RAB3C: variants seen among roughly 807,000 people sequenced by gnomAD.
The protein encoded by RAB3C is ras-related protein Rab-3C.
RAB3C carries 17 observed loss-of-function variants against 26.4 expected under a neutral mutation model. That is an observed-to-expected ratio of 0.64 (90% confidence interval 0.44 to 0.97). RAB3C has a LOEUF of 0.97. Among genes scored for constraint, RAB3C ranks in the 50% least tolerant of loss-of-function variants. RAB3C has a pLI of 0.00. For synonymous variants in RAB3C, 91 were observed against 95.9 expected (o/e 0.95, Z 0.30); for missense variants, 242 against 281.9 (o/e 0.86, Z 1.01).
At chr5:58,755,542 C>T (rs1186875151) in intron 3 of RAB3C, among the ~76,000 whole-genome samples, 1 of 152,172 alleles carries the variant, frequency 6.6e-6, no homozygotes, top group Non-Finnish European at 1.5e-5. Flanking sequence ...GACTACACAT[C>T]AGGACTCGGG....
At chr5:58,775,057 AGAGTGGGGTG>A (rs1285045630) in intron 3 of RAB3C, among the ~76,000 whole-genome samples, 2 of 152,142 alleles carry the variant, frequency 1.3e-5, no homozygotes, top group Non-Finnish European at 2.9e-5. Flanking sequence ...TGAATTGAGT[AGAGTGGGGTG>A]GAGGAAGAAG....
intron 2 of RAB3C, among the ~76,000 whole-genome samples, chr5:58,693,670 T>C (rs1332060372): frequency 6.6e-6 from 1 of 152,126 alleles, no homozygotes; most frequent in Non-Finnish European, 1.5e-5. Context: ...GCCCCACACA[T>C]TCCTCTATTA....
At chr5:58,651,480 T>C (rs1371980207) in intron 2 of RAB3C, among the ~76,000 whole-genome samples, 1 of 152,226 alleles carries the variant, frequency 6.6e-6, no homozygotes, top group Non-Finnish European at 1.5e-5. Flanking sequence ...AAAATCTATT[T>C]ATACTATTAA....
chr5:58,754,818 C>A (rs574277841), intron 3 of RAB3C, among the ~76,000 whole-genome samples: 2 of 152,248 alleles, frequency 1.3e-5, no homozygotes, highest in South Asian at 4.1e-4. Flanking sequence ...TAACTGCAAA[C>A]GCCCTTGTGA....
chr5:58,654,973 T>C (rs965449018), intron 2 of RAB3C, among the ~76,000 whole-genome samples: 2 of 152,200 alleles, frequency 1.3e-5, no homozygotes, highest in Non-Finnish European at 2.9e-5. Context: ...TTTTAGGTAG[T>C]GATAAATTAC....
chr5:58,796,934 G>A (rs966647361), intron 3 of RAB3C, among the ~76,000 whole-genome samples: 2 of 151,734 alleles, frequency 1.3e-5, no homozygotes, highest in African/African-American at 4.8e-5. Flanking sequence ...AGGAGGAGGT[G>A]CAGAGGGGTT....
At chr5:58,727,954 A>C (rs1041282961) in intron 3 of RAB3C, among the ~76,000 whole-genome samples, 2 of 151,856 alleles carry the variant, frequency 1.3e-5, no homozygotes, top group African/African-American at 4.8e-5. Flanking sequence ...AGCAAACTAA[A>C]CCATTCATTG....
chr5:58,799,279 C>T (rs1197715567), intron 3 of RAB3C, among the ~76,000 whole-genome samples: 1 of 151,910 alleles, frequency 6.6e-6, no homozygotes, highest in African/African-American at 2.4e-5. Flanking sequence ...GCAAATGTGG[C>T]AAAATGTCCA....
chr5:58,640,012 T>C (rs1747380187), intron 2 of RAB3C, among the ~76,000 whole-genome samples: 1 of 152,222 alleles, frequency 6.6e-6, no homozygotes, highest in Non-Finnish European at 1.5e-5. Flanking sequence ...TTTTTAAATG[T>C]ACTAGGGAAG....
At chr5:58,746,973 G>C (rs928416350) in intron 3 of RAB3C, among the ~76,000 whole-genome samples, 6 of 152,190 alleles carry the variant, frequency 3.9e-5, no homozygotes, top group Middle Eastern at 3.2e-3. Context: ...TGGAAACTAG[G>C]ACTGAAGCAA....
intron 2 of RAB3C, among the ~76,000 whole-genome samples, chr5:58,618,642 G>C (rs932667353): frequency 1.4e-5 from 2 of 142,170 alleles, no homozygotes; most frequent in Non-Finnish European, 3.1e-5. Flanking sequence ...GCAGGTCCAA[G>C]GCAATATAAA....
At chr5:58,772,916 CA>C (rs1742057699) in intron 3 of RAB3C, among the ~76,000 whole-genome samples, 1 of 152,058 alleles carries the variant, frequency 6.6e-6, no homozygotes, top group South Asian at 2.1e-4. Context: ...ACCATGAAGC[CA>C]AGGGTGAAAG....
At chr5:58,702,763 CAGA>C (rs1748873494) in intron 2 of RAB3C, among the ~76,000 whole-genome samples, 3 of 151,982 alleles carry the variant, frequency 2.0e-5, no homozygotes, top group Admixed American at 1.3e-4. Context: ...TTTGAAAATA[CAGA>C]AGAATAAACA....
intron 3 of RAB3C, among the ~76,000 whole-genome samples, chr5:58,799,316 G>C (rs1397481101): frequency 2.0e-5 from 3 of 152,078 alleles, no homozygotes; most frequent in Non-Finnish European, 2.9e-5. Context: ...GTGAAAACTA[G>C]ATGTATGGCA....
chr5:58,802,535 G>A (rs1579926418), intron 3 of RAB3C, among the ~76,000 whole-genome samples: 1 of 152,314 alleles, frequency 6.6e-6, no homozygotes, highest in East Asian at 1.9e-4. Flanking sequence ...CATATTAGAA[G>A]TTGCAACCGT....
At chr5:58,660,162 G>A (rs1437237110) in intron 2 of RAB3C, among the ~76,000 whole-genome samples, 1 of 150,072 alleles carries the variant, frequency 6.7e-6, no homozygotes, top group Admixed American at 6.6e-5. Flanking sequence ...ACAAAACAAA[G>A]CAAACAAACA....
chr5:58,833,324 TCACACACACACACA>T (rs571940681), intron 4 of RAB3C, among the ~76,000 whole-genome samples: 2 of 141,154 alleles, frequency 1.4e-5, no homozygotes, highest in East Asian at 4.2e-4. Flanking sequence ...ACGGACCCCA[TCACACACACACACA>T]CACACACACA....
chr5:58,618,849 C>G (rs1276842967), intron 2 of RAB3C, among the ~76,000 whole-genome samples: 1 of 152,154 alleles, frequency 6.6e-6, no homozygotes, highest in Non-Finnish European at 1.5e-5. Flanking sequence ...TGTTTTCTAG[C>G]TCCTTCTGAG....
chr5:58,743,771 G>A (rs1303879815), intron 3 of RAB3C, among the ~76,000 whole-genome samples: 5 of 152,092 alleles, frequency 3.3e-5, no homozygotes, highest in African/African-American at 1.2e-4. Flanking sequence ...CTCTCCAAGT[G>A]GATTGCAATG....
Sources: gnomAD v4.1 joint callset for allele counts (sites outside exome capture counted in the v4.1 genomes callset) on GRCh38, gnomAD v4.1.1 for gene constraint, MANE v1.5 for transcripts, NCBI Gene and HGNC (gene_info 2026-07-23, HGNC 2026-07-21) for gene names.